The following COL26A1 variants were observed in gnomAD, a reference collection of about 807,000 sequenced individuals.
COL26A1 encodes the protein collagen type XXVI alpha 1 chain.
COL26A1 carries 41 observed loss-of-function variants against 59.3 expected under a neutral mutation model. That is an observed-to-expected ratio of 0.69 (90% confidence interval 0.54 to 0.90). The LOEUF is 0.90. Ranked by LOEUF, COL26A1 falls within the 40% of genes least tolerant of loss-of-function variation. The pLI is 0.00. For missense variants in COL26A1, 612 were observed against 602.3 expected (o/e 1.02, Z -0.17); for synonymous variants, 266 against 256.0 (o/e 1.04, Z -0.37).
intron 3 of COL26A1, among the ~76,000 whole-genome samples, chr7:101,504,484 T>C (rs955300846): frequency 6.6e-5 from 10 of 152,110 alleles, no homozygotes; most frequent in African/African-American, 2.4e-4. Flanking sequence ...CTGTCTATGC[T>C]CGCCTGATTC....
chr7:101,433,242 T>G (rs1437363957), intron 2 of COL26A1, among the ~76,000 whole-genome samples: 1 of 152,036 alleles, frequency 6.6e-6, no homozygotes, highest in Admixed American at 6.6e-5. Context: ...GAGGATTGCT[T>G]GAGCACATAA....
At chr7:101,550,630 A>G (rs992994568) in intron 9 of COL26A1, among the ~76,000 whole-genome samples, 3 of 151,554 alleles carry the variant, frequency 2.0e-5, no homozygotes, top group Non-Finnish European at 4.4e-5. Context: ...TGAGAAGGGG[A>G]GGCTTCGGGA....
chr7:101,418,782 C>T (rs979346580), intron 1 of COL26A1, among the ~76,000 whole-genome samples: 6 of 152,114 alleles, frequency 3.9e-5, no homozygotes, highest in African/African-American at 1.2e-4. Context: ...AATTTCTAGG[C>T]TATGGGGATG....
intron 11 of COL26A1, among the ~76,000 whole-genome samples, chr7:101,553,626 T>TG (rs565739948): frequency 2.0e-5 from 3 of 151,698 alleles, no homozygotes; most frequent in Admixed American, 6.6e-5. Flanking sequence ...GATTGGCCCT[T>TG]GGGGGGGCTT....
At chr7:101,446,365 T>C (rs937013348) in intron 2 of COL26A1, among the ~76,000 whole-genome samples, 10 of 152,164 alleles carry the variant, frequency 6.6e-5, no homozygotes, top group Admixed American at 5.9e-4. Flanking sequence ...AGAGAACATA[T>C]GGTATTTGTC....
At chr7:101,447,212 A>G (rs1733276732) in intron 2 of COL26A1, among the ~76,000 whole-genome samples, 2 of 152,132 alleles carry the variant, frequency 1.3e-5, no homozygotes, top group South Asian at 4.2e-4. Flanking sequence ...TCCAGGAGCA[A>G]TTTGGGGAGG....
chr7:101,513,013 T>TATG (rs1563020949), intron 3 of COL26A1, among the ~76,000 whole-genome samples: 1 of 151,626 alleles, frequency 6.6e-6, no homozygotes, highest in Admixed American at 6.6e-5. Context: ...TTATTATTAT[T>TATG]ATTATTATTT....
intron 3 of COL26A1, among the ~76,000 whole-genome samples, chr7:101,525,690 G>A (rs950787846): frequency 5.9e-5 from 9 of 151,430 alleles, no homozygotes; most frequent in Admixed American, 1.3e-4. Context: ...TAGAGACGGG[G>A]TTTCACTGTG....
At chr7:101,546,311 T>C (rs1795734746) in intron 7 of COL26A1, among the ~76,000 whole-genome samples, 4 of 152,148 alleles carry the variant, frequency 2.6e-5, no homozygotes, top group South Asian at 4.1e-4. Flanking sequence ...CATAGCTCCC[T>C]GCAGCCTCTC....
chr7:101,514,168 C>CCTA (rs1454204283), intron 3 of COL26A1, among the ~76,000 whole-genome samples: 12 of 151,494 alleles, frequency 7.9e-5, no homozygotes, highest in African/African-American at 2.4e-4. Context: ...AAACCCTGTC[C>CCTA]CTACTAAAAA....
At chr7:101,369,349 G>A (rs1419378775) in intron 1 of COL26A1, among the ~76,000 whole-genome samples, 1 of 151,352 alleles carries the variant, frequency 6.6e-6, no homozygotes, top group African/African-American at 2.4e-5. Flanking sequence ...GGAGGTTGCA[G>A]TGAGCTGAGA....
rs1474521330 is a variant in COL26A1, at chr7:101,363,056, C to T, written c.24C>T (p.Pro8=). The T allele has an allele frequency of 1.3e-6, 2 of 1,582,528 alleles. No individual in the cohort carries two copies. The highest frequency in any genetic ancestry group is 2.3e-5 in the East Asian group (1 of 43,412). The change falls in exon 1 of 13, where the codon CCC becomes CCT. Residue 8 remains proline, a synonymous_variant. Coordinates refer to ENST00000313669, the MANE Select transcript of COL26A1 (RefSeq NM_001278563.3). ...CGATGAAGCTGGCCCTGCTCCTGCCCTGGGCGTGTTGCTGCCTCTGCGGGT... is the reference window on the plus strand; with the variant it reads ...CGATGAAGCTGGCCCTGCTCCTGCCTTGGGCGTGTTGCTGCCTCTGCGGGT... MKLALLL[P]WACCCLCGSA... is the part of the protein sequence containing the mutation.
At chr7:101,495,919 C>A (rs1794575693) in intron 3 of COL26A1, among the ~76,000 whole-genome samples, 1 of 144,780 alleles carries the variant, frequency 6.9e-6, no homozygotes, top group Non-Finnish European at 1.5e-5. Flanking sequence ...CATAGTAAGA[C>A]CCTGTCTCTA....
chr7:101,363,221 G>T (rs1438025142), intron 1 of COL26A1, 31 bp downstream of exon 1: 5 of 1,283,218 alleles, frequency 3.9e-6, no homozygotes, highest in South Asian at 3.0e-5. Flanking sequence ...GGGCCGGGGG[G>T]TGGGGGGAGG....
At chr7:101,516,278 T>TG (rs1216466499) in intron 3 of COL26A1, among the ~76,000 whole-genome samples, 2 of 152,126 alleles carry the variant, frequency 1.3e-5, no homozygotes, top group African/African-American at 4.8e-5. Flanking sequence ...TGTTTTGTTT[T>TG]TTTAGAGAGA....
chr7:101,417,921 C>T (rs894736568), intron 1 of COL26A1, among the ~76,000 whole-genome samples: 4 of 151,896 alleles, frequency 2.6e-5, no homozygotes, highest in Non-Finnish European at 5.9e-5. Flanking sequence ...GACAGGGTTT[C>T]TCCATGTTGG....
intron 3 of COL26A1, among the ~76,000 whole-genome samples, chr7:101,511,287 C>T (rs1794920199): frequency 6.6e-6 from 1 of 152,230 alleles, no homozygotes; most frequent in Non-Finnish European, 1.5e-5. Flanking sequence ...CTCCCTGCCT[C>T]CCTTGGCCTG....
intron 3 of COL26A1, among the ~76,000 whole-genome samples, chr7:101,472,480 A>G (rs540672437): frequency 1.8e-4 from 27 of 152,048 alleles, no homozygotes; most frequent in Non-Finnish European, 2.8e-4. Flanking sequence ...GTTTGGCTTT[A>G]TTTGGCCATT....
chr7:101,404,718 A>C (rs1466594240), intron 1 of COL26A1, among the ~76,000 whole-genome samples: 3 of 152,138 alleles, frequency 2.0e-5, no homozygotes, highest in African/African-American at 7.2e-5. Context: ...CTATATAGTG[A>C]ATCTCCCTGT....
Sources: gnomAD v4.1 joint callset for allele counts (sites outside exome capture counted in the v4.1 genomes callset) on GRCh38, gnomAD v4.1.1 for gene constraint, MANE v1.5 for transcripts, NCBI Gene and HGNC (gene_info 2026-07-23, HGNC 2026-07-21) for gene names.